WWOX: variants seen among roughly 807,000 people sequenced by gnomAD.
The protein encoded by WWOX is WW domain-containing oxidoreductase.
WWOX carries 69 observed loss-of-function variants against 46.2 expected under a neutral mutation model. The ratio of observed to expected loss-of-function variants is 1.49; its 90% CI spans 1.23 to 1.82. The LOEUF is 1.82. Ranked by LOEUF, WWOX falls within the 40% of genes most tolerant of loss-of-function variation. The probability of loss-of-function intolerance (pLI) is 0.00; values close to 1 mark genes in which losing one functional copy is unlikely to be tolerated. For synonymous variants in WWOX, 359 were observed against 202.6 expected, an observed-to-expected ratio of 1.77 and a Z score of -6.56; for missense variants, 919 against 542.6, an observed-to-expected ratio of 1.69 and a Z score of -6.89.
chr16:78,927,952 A>G (rs1475136812), intron 8 of WWOX, among the ~76,000 whole-genome samples: 1 of 151,918 alleles, frequency 6.6e-6, no homozygotes, highest in Non-Finnish European at 1.5e-5. Flanking sequence ...TGTGCTTAAA[A>G]CTGAATAAAC....
intron 6 of WWOX, among the ~76,000 whole-genome samples, chr16:78,405,476 G>A (rs1228352692): frequency 1.3e-5 from 2 of 152,162 alleles, no homozygotes; most frequent in Admixed American, 6.5e-5. Context: ...GGCCACCCAA[G>A]CTGATACTGA....
intron 8 of WWOX, among the ~76,000 whole-genome samples, chr16:78,501,191 C>CTTTTTTTTT (rs201759001): frequency 9.3e-6 from 1 of 107,524 alleles, no homozygotes; most frequent in African/African-American, 3.1e-5. Flanking sequence ...CTCTTTCTTT[C>CTTTTTTTTT]TCTTTTTTTT....
intron 6 of WWOX, among the ~76,000 whole-genome samples, chr16:78,399,482 G>T (rs1029331382): frequency 2.0e-5 from 3 of 152,186 alleles, no homozygotes; most frequent in Admixed American, 1.3e-4. Context: ...AGTGGACATG[G>T]ATCATGGGAC....
chr16:78,621,923 A>G (rs918020351), intron 8 of WWOX, among the ~76,000 whole-genome samples: 5 of 151,920 alleles, frequency 3.3e-5, no homozygotes, highest in African/African-American at 1.2e-4. Context: ...TTAATCTTTT[A>G]GACAACTGGA....
chr16:78,569,711 A>G (rs1356737478), intron 8 of WWOX, among the ~76,000 whole-genome samples: 1 of 152,238 alleles, frequency 6.6e-6, no homozygotes, highest in African/African-American at 2.4e-5. Flanking sequence ...TGCAATAACG[A>G]TACTAATTTC....
intron 8 of WWOX, among the ~76,000 whole-genome samples, chr16:79,082,375 A>G (rs2048776451): frequency 6.6e-6 from 1 of 152,038 alleles, no homozygotes; most frequent in African/African-American, 2.4e-5. Context: ...GATAATACCA[A>G]CTGCATGGAT....
At chr16:79,086,761 T>C (rs1352249646) in intron 8 of WWOX, among the ~76,000 whole-genome samples, 1 of 152,166 alleles carries the variant, frequency 6.6e-6, no homozygotes, top group Non-Finnish European at 1.5e-5. Context: ...TGCATGCCTG[T>C]AGTCCTAGCT....
chr16:78,883,725 A>T (rs890400272), intron 8 of WWOX, among the ~76,000 whole-genome samples: 2 of 136,618 alleles, frequency 1.5e-5, no homozygotes, highest in East Asian at 3.9e-4. Context: ...CTCTGTCTCA[A>T]AAAAAAAAAA....
intron 8 of WWOX, among the ~76,000 whole-genome samples, chr16:78,583,720 G>A (rs1423039335): frequency 6.6e-6 from 1 of 152,238 alleles, no homozygotes; most frequent in Non-Finnish European, 1.5e-5. Flanking sequence ...CTGATGTGGA[G>A]TTGGTAATCT....
chr16:78,493,685 C>T (rs761400008), intron 8 of WWOX, among the ~76,000 whole-genome samples: 1 of 152,116 alleles, frequency 6.6e-6, no homozygotes, highest in Non-Finnish European at 1.5e-5. Flanking sequence ...CACAGCACTC[C>T]TTCTGAATAC....
chr16:78,584,086 G>A (rs1280888921), intron 8 of WWOX, among the ~76,000 whole-genome samples: 2 of 152,174 alleles, frequency 1.3e-5, no homozygotes, highest in African/African-American at 2.4e-5. Context: ...AGTTATTTGT[G>A]TGTTTGGTTT....
In WWOX at chr16:79,184,108, CA is replaced by C. The variant is rs374180479; in HGVS notation, c.1057-27499del. 4.5e-4 allele frequency among the ~76,000 whole-genome samples: 69 copies of C among 152,236 alleles called. 2 individuals carry two copies. The South Asian group carries it at 0.014, about 31-fold the overall frequency. On this transcript the variant is annotated intron_variant, in intron 8 of 8. Coordinates refer to ENST00000566780, the MANE Select transcript of WWOX (RefSeq NM_016373.4). ...AATGGGGAAAAGTGGCAGCAATTGC[CA>C]GCACAATCACTGAAAAATCTTCTGA...
chr16:78,121,573 T>C (rs1443248076), intron 4 of WWOX, among the ~76,000 whole-genome samples: 1 of 152,204 alleles, frequency 6.6e-6, no homozygotes, highest in Non-Finnish European at 1.5e-5. Context: ...TCATGTAAAA[T>C]GCTTATAATA....
chr16:78,687,808 T>G (rs1181909255), intron 8 of WWOX, among the ~76,000 whole-genome samples: 1 of 152,202 alleles, frequency 6.6e-6, no homozygotes, highest in Non-Finnish European at 1.5e-5. Context: ...TAGGGCTTAT[T>G]ATTTAGTAAT....
At chr16:78,367,259 G>A (rs372560052) in intron 5 of WWOX, among the ~76,000 whole-genome samples, 39 of 152,192 alleles carry the variant, frequency 2.6e-4, no homozygotes, top group Non-Finnish European at 4.4e-4. Flanking sequence ...GATTACAGGC[G>A]TGAGCCACCG....
intron 8 of WWOX, among the ~76,000 whole-genome samples, chr16:78,777,380 A>G (rs994997007): frequency 6.6e-6 from 1 of 152,190 alleles, no homozygotes; most frequent in Admixed American, 6.5e-5. Context: ...GACTAGTATG[A>G]CCAGGGGCTG....
chr16:79,141,556 G>C (rs981984289), intron 8 of WWOX, among the ~76,000 whole-genome samples: 2 of 152,348 alleles, frequency 1.3e-5, no homozygotes, highest in African/African-American at 4.8e-5. Context: ...AGTTTTACCA[G>C]CTCTTTGGCT....
chr16:78,203,709 G>T (rs1429310216), intron 5 of WWOX, among the ~76,000 whole-genome samples: 1 of 152,166 alleles, frequency 6.6e-6, no homozygotes, highest in Non-Finnish European at 1.5e-5. Flanking sequence ...ACTAGATGCG[G>T]AAGGGATGGG....
intron 5 of WWOX, among the ~76,000 whole-genome samples, chr16:78,172,761 C>T (rs1236899308): frequency 6.6e-6 from 1 of 152,092 alleles, no homozygotes; most frequent in Non-Finnish European, 1.5e-5. Flanking sequence ...AATGTGAAAC[C>T]CAAAGCAGAT....
Sources: gnomAD v4.1 joint callset for allele counts (sites outside exome capture counted in the v4.1 genomes callset) on GRCh38, gnomAD v4.1.1 for gene constraint, MANE v1.5 for transcripts, NCBI Gene and HGNC (gene_info 2026-07-23, HGNC 2026-07-21) for gene names.